Variants in MID2 observed in about 807,000 individuals in gnomAD.
MID2 encodes the protein probable E3 ubiquitin-protein ligase MID2.
In MID2, 13 loss-of-function variants were observed where a neutral mutation model predicts 46.1. The ratio of observed to expected loss-of-function variants is 0.28; its 90% CI spans 0.18 to 0.45. The LOEUF (loss-of-function observed/expected upper bound fraction) is 0.45, where lower values mean the gene tolerates loss of function less well. Ranked by LOEUF, MID2 falls within the 20% of genes least tolerant of loss-of-function variation. MID2 has a pLI of 1.00. For missense variants in MID2, 431 were observed against 575.4 expected (o/e 0.75, Z 2.57); for synonymous variants, 199 against 212.3 (o/e 0.94, Z 0.55).
intron 3 of MID2, among the ~76,000 whole-genome samples, chrX:107,858,157 T>C (rs1410164046): frequency 8.9e-6 from 1 of 112,099 alleles, no homozygotes. Context: ...TAATGTAGCT[T>C]GTTATAATTG....
At chrX:107,846,817 C>T (rs1264537568) in intron 2 of MID2, among the ~76,000 whole-genome samples, 1 of 111,977 alleles carries the variant, frequency 8.9e-6, no homozygotes, top group Non-Finnish European at 1.9e-5. Flanking sequence ...TCTTTTGGCT[C>T]AAGTTTTCTC....
chrX:107,913,680 G>C (rs977773680), intron 5 of MID2, among the ~76,000 whole-genome samples: 3 of 111,631 alleles, frequency 2.7e-5, no homozygotes, highest in Non-Finnish European at 5.6e-5. Context: ...CTTTGACTTT[G>C]TTTTCTTTGA....
chrX:107,849,374 A>T (rs1282081313), intron 2 of MID2, among the ~76,000 whole-genome samples: 2 of 111,197 alleles, frequency 1.8e-5, no homozygotes, highest in Non-Finnish European at 3.8e-5. Context: ...ATAATGGGGT[A>T]ATCTACCTCG....
rs765114686 is a variant in MID2, at chrX:107,838,696, T to C, written c.5-1974T>C. On this transcript the variant is annotated intron_variant, in intron 1 of 9. Transcript: ENST00000262843. Reference sequence around the variant, plus strand: ...CATAAAGTATAATTGTACTCAGTACTTATGTATCCTGTGACAATATCTGAA... The same window carrying C: ...CATAAAGTATAATTGTACTCAGTACCTATGTATCCTGTGACAATATCTGAA... 2.7e-5 allele frequency among the ~76,000 whole-genome samples: 3 copies of C among 112,693 alleles called. No homozygotes were observed. The East Asian group carries it at 8.3e-4, about 31-fold the overall frequency.
At chrX:107,889,839 A>G (rs1932556048) in intron 3 of MID2, among the ~76,000 whole-genome samples, 1 of 109,798 alleles carries the variant, frequency 9.1e-6, no homozygotes, top group African/African-American at 3.3e-5. Context: ...TTTTCTCTAA[A>G]CTTCTCTTCT....
intron 1 of MID2, among the ~76,000 whole-genome samples, chrX:107,830,021 C>G (rs1448670202): frequency 8.9e-6 from 1 of 112,248 alleles, no homozygotes; most frequent in Admixed American, 9.4e-5. Context: ...AAATATTGCT[C>G]TGAGTAGTGA....
At chrX:107,847,748 A>G (rs1931524170) in intron 2 of MID2, among the ~76,000 whole-genome samples, 1 of 111,754 alleles carries the variant, frequency 8.9e-6, no homozygotes, top group Non-Finnish European at 1.9e-5. Context: ...GTGATTAAGA[A>G]AGCACAGCCT....
chrX:107,837,597 CAA>C (rs750057009), intron 1 of MID2, among the ~76,000 whole-genome samples: 1 of 81,607 alleles, frequency 1.2e-5, no homozygotes, highest in African/African-American at 4.4e-5. Flanking sequence ...TTCCAGAATT[CAA>C]AAAAAAAAAA....
At chrX:107,882,333 A>C (rs1422650612) in intron 3 of MID2, among the ~76,000 whole-genome samples, 7 of 112,073 alleles carry the variant, frequency 6.2e-5, no homozygotes, top group African/African-American at 2.3e-4. Context: ...AGCAATGGCA[A>C]CAAAAGCCAA....
chrX:107,913,661 ATTTG>A (rs1226143152), intron 5 of MID2, among the ~76,000 whole-genome samples: 1 of 111,741 alleles, frequency 8.9e-6, no homozygotes, highest in Non-Finnish European at 1.9e-5. Flanking sequence ...TTTATTGGCC[ATTTG>A]TTTGCTTTGA....
chrX:107,922,915 T>C (rs1167771946), intron 7 of MID2, among the ~76,000 whole-genome samples: 2 of 111,892 alleles, frequency 1.8e-5, no homozygotes, highest in Non-Finnish European at 3.8e-5. Flanking sequence ...TAAAATCTTA[T>C]GTGCAGCTTG....
intron 3 of MID2, among the ~76,000 whole-genome samples, chrX:107,888,956 T>A (rs939380804): frequency 3.6e-5 from 4 of 111,644 alleles, no homozygotes; most frequent in African/African-American, 1.3e-4. Flanking sequence ...TGCCTTTTTT[T>A]GTTTTCCATT....
intron 3 of MID2, among the ~76,000 whole-genome samples, chrX:107,865,161 T>G (rs73529325): frequency 0.018 from 2,071 of 112,018 alleles, 51 homozygotes; most frequent in African/African-American, 0.063. Context: ...TTAAAAAAGA[T>G]GGGCAAAACT....
intron 3 of MID2, among the ~76,000 whole-genome samples, chrX:107,889,315 G>C (rs1050043563): frequency 9.9e-5 from 11 of 111,610 alleles, no homozygotes; most frequent in Non-Finnish European, 1.5e-4. Context: ...GGGCAGGCCT[G>C]GTGGTGACAC....
At position 107,879,106 on chromosome X, in the gene MID2, C is replaced by T. The variant is rs372814598; in HGVS notation, c.816+24402C>T. On this transcript the variant is annotated intron_variant, in intron 3 of 9. Transcript: ENST00000262843. ...CATGTGGATCTGCAGCAGCATCTGG[C>T]GGGGGTGGGGCCATGACCCCTGAAG... Among the ~76,000 whole-genome samples the T allele has an allele frequency of 8.8e-4, 98 of 110,830 alleles. 1 individual carries two copies. The highest frequency in any genetic ancestry group is 3.1e-3 in the African/African-American group (96 of 30,484).
intron 7 of MID2, among the ~76,000 whole-genome samples, chrX:107,920,138 G>T (rs905077828): frequency 2.7e-5 from 3 of 112,352 alleles, no homozygotes; most frequent in Non-Finnish European, 3.8e-5. Flanking sequence ...TGAAGATTCA[G>T]GATCCCAATC....
At chrX:107,876,619 T>C (rs935412717) in intron 3 of MID2, among the ~76,000 whole-genome samples, 1 of 111,441 alleles carries the variant, frequency 9.0e-6, no homozygotes, top group African/African-American at 3.3e-5. Context: ...TCCCTTCCAA[T>C]TGGATAAAGT....
intron 5 of MID2, among the ~76,000 whole-genome samples, chrX:107,914,976 G>A (rs1932944893): frequency 8.9e-6 from 1 of 112,283 alleles, no homozygotes. Context: ...ACTACATAGT[G>A]TTATGGTAAA....
At chrX:107,904,184 G>A in intron 4 of MID2, 119 bp downstream of exon 4, 3 of 534,525 alleles carry the variant, frequency 5.6e-6, no homozygotes, top group Non-Finnish European at 9.5e-6. Flanking sequence ...TAGGGGGAGA[G>A]GCAAAGAAGT....
Sources: gnomAD v4.1 joint callset for allele counts (sites outside exome capture counted in the v4.1 genomes callset) on GRCh38, gnomAD v4.1.1 for gene constraint, MANE v1.5 for transcripts, NCBI Gene and HGNC (gene_info 2026-07-23, HGNC 2026-07-21) for gene names.